Variants in EMB observed in about 807,000 individuals in gnomAD.
EMB encodes embigin.
EMB carries 31 observed loss-of-function variants against 41.4 expected under a neutral mutation model. The observed-to-expected ratio is 0.75, with a 90% CI of 0.56 to 1.01. The LOEUF is 1.01. Among genes scored for constraint, EMB ranks in the 50% least tolerant of loss-of-function variants. The pLI is 0.00. For synonymous variants in EMB, 137 were observed against 140.4 expected (o/e 0.98, Z 0.17); for missense variants, 379 against 388.3 (o/e 0.98, Z 0.20).
intron 4 of EMB, among the ~76,000 whole-genome samples, chr5:50,406,690 T>G (rs1369302203): frequency 6.6e-6 from 1 of 151,974 alleles, no homozygotes; most frequent in Non-Finnish European, 1.5e-5. Flanking sequence ...CAACTAAGAT[T>G]ATTTTGTTAA....
At chr5:50,428,286 A>C (rs1745655331) in intron 1 of EMB, 59 bp from the exon 2 acceptor site, 1 of 1,414,368 alleles carries the variant, frequency 7.1e-7, no homozygotes, top group African/African-American at 1.4e-5. Flanking sequence ...ACTATCTAAA[A>C]ACTACTTTGA....
chr5:50,396,445 A>G lies in EMB; in HGVS notation c.*2828T>C, dbSNP rs1218506726. ...TTATAACACAGAGTAATAAACACAA[A>G]TAAATGTGGAGTTATTTAAGCATGT... is the stretch of plus-strand genomic sequence containing the variant. On this transcript the variant is annotated 3_prime_UTR_variant, in exon 9 of 9. Coordinates refer to ENST00000303221, the MANE Select transcript of EMB (RefSeq NM_198449.3). 1.3e-5 allele frequency: 2 copies of G among 152,148 alleles called. No homozygotes were observed. Among genetic ancestry groups the G allele is most frequent in the African/African-American group, 4.8e-5 (2 of 41,430 alleles). 9.4% of individuals were successfully genotyped at this position (152,148 alleles called of 1,614,324 possible). A position where few individuals can be genotyped will look rare whatever the true frequency, so the allele number is the denominator to read the frequency against.
chr5:50,414,934 C>T (rs1745404529), intron 2 of EMB, among the ~76,000 whole-genome samples: 1 of 152,154 alleles, frequency 6.6e-6, no homozygotes, highest in Non-Finnish European at 1.5e-5. Flanking sequence ...CAATTTGGCA[C>T]TTCTTTGTTG....
At chr5:50,438,485 T>C (rs1745842610) in intron 1 of EMB, among the ~76,000 whole-genome samples, 2 of 152,230 alleles carry the variant, frequency 1.3e-5, no homozygotes. Context: ...TTTTCTTTTT[T>C]CAGCTGGAAC....
At chr5:50,409,844 A>T (rs1158080715) in intron 4 of EMB, among the ~76,000 whole-genome samples, 16 of 152,132 alleles carry the variant, frequency 1.1e-4, no homozygotes, top group Non-Finnish European at 5.9e-5. Context: ...ATAATCAAAG[A>T]ATGATACTAG....
chr5:50,414,150 GCTCTT>G (rs1485485951), intron 2 of EMB, among the ~76,000 whole-genome samples: 1 of 152,124 alleles, frequency 6.6e-6, no homozygotes, highest in Admixed American at 6.6e-5. Flanking sequence ...AATTTCTCAA[GCTCTT>G]CTCATTCTCA....
intron 2 of EMB, among the ~76,000 whole-genome samples, chr5:50,422,460 C>A (rs1025300860): frequency 6.6e-6 from 1 of 152,098 alleles, no homozygotes; most frequent in Non-Finnish European, 1.5e-5. Flanking sequence ...AGTAGAGAAA[C>A]AGAACAGAGT....
chr5:50,411,196 C>A lies in EMB; in HGVS notation c.383+1G>T, dbSNP rs370333900. ...AGGTAGGTTAAAATTTGTATACTCA[C>A]CTGTATTGGGTATACAAGGTGCTTC... On this transcript the variant is annotated splice_donor_variant, in intron 3 of 8. Coordinates refer to ENST00000303221, the MANE Select transcript of EMB (RefSeq NM_198449.3). LOFTEE classifies it high-confidence loss of function. 4 of 1,602,980 alleles carry A rather than the reference C, an allele frequency of 2.5e-6. No homozygotes were observed. The highest frequency in any genetic ancestry group is 3.4e-6 in the Non-Finnish European group (4 of 1,174,312).
chr5:50,432,116 A>G (rs1358253396), intron 1 of EMB, among the ~76,000 whole-genome samples: 5 of 152,216 alleles, frequency 3.3e-5, no homozygotes, highest in African/African-American at 1.2e-4. Flanking sequence ...AAAATAAGTA[A>G]CACTAGAAAA....
upstream of EMB, chr5:50,441,331 G>C (rs1313816136): frequency 2.6e-6 from 1 of 390,758 alleles, no homozygotes; most frequent in East Asian, 3.7e-5. Context: ...ACTCCCCCGA[G>C]ACGCTCTTAC....
chr5:50,429,816 A>T (rs1745683003), intron 1 of EMB, among the ~76,000 whole-genome samples: 2 of 152,084 alleles, frequency 1.3e-5, no homozygotes, highest in South Asian at 4.1e-4. Context: ...CTCCAGTCAC[A>T]TCTAGTATTC....
At position 50,441,052 on chromosome 5, in the gene EMB, C is replaced by T; in HGVS notation, c.100G>A (p.Gly34Ser). 2.0e-6 allele frequency: 3 copies of T among 1,509,156 alleles called. No homozygotes were observed. The highest frequency in any genetic ancestry group is 2.7e-6 in the Non-Finnish European group (3 of 1,129,230). 93.5% of individuals were successfully genotyped at this position (1,509,156 alleles called of 1,614,324 possible). ...LAAARPSSADGSAPDSPFTSP... is the reference protein window; with the variant it reads ...LAAARPSSADSSAPDSPFTSP... The stretch of plus-strand genomic sequence containing the variant: ...GTACCCATCACACCTGGGGCACTGC[C>T]GTCCGCCGAGCTTGGGCGCGCGGCA... The change falls in exon 1 of 9, where the codon GGC (glycine) becomes AGC (serine). Residue 34 changes from glycine to serine, a missense_variant. Coordinates refer to ENST00000303221, the MANE Select transcript of EMB (RefSeq NM_198449.3).
At chr5:50,406,236 A>G (rs190891244) in intron 4 of EMB, among the ~76,000 whole-genome samples, 2 of 151,998 alleles carry the variant, frequency 1.3e-5, no homozygotes, top group East Asian at 3.9e-4. Flanking sequence ...AACCTCAGGT[A>G]GCATTTGAGT....
At chr5:50,402,203 C>T in intron 7 of EMB, 83 bp downstream of exon 7, 2 of 1,446,350 alleles carry the variant, frequency 1.4e-6, no homozygotes, top group Non-Finnish European at 9.7e-7. Flanking sequence ...CTTTTCTCCC[C>T]CTAACTGCAA....
intron 1 of EMB, among the ~76,000 whole-genome samples, chr5:50,434,546 C>T (rs190760861): frequency 2.0e-5 from 3 of 152,282 alleles, no homozygotes; most frequent in South Asian, 2.1e-4. Context: ...TTAGCTATCT[C>T]ATTGCTTTTG....
intron 3 of EMB, 33 bp downstream of exon 3, chr5:50,411,164 G>C (rs768182316): frequency 6.5e-7 from 1 of 1,538,434 alleles, no homozygotes; most frequent in South Asian, 1.3e-5. Context: ...GCTACTTTTG[G>C]TGAGCAAGGT....
intron 2 of EMB, among the ~76,000 whole-genome samples, chr5:50,417,944 G>C (rs1410893682): frequency 6.6e-6 from 1 of 152,162 alleles, no homozygotes; most frequent in African/African-American, 2.4e-5. Context: ...GCTCCTATCA[G>C]TCACTGTTTT....
intron 2 of EMB, among the ~76,000 whole-genome samples, chr5:50,419,532 T>TACACACACAC (rs1442610577): frequency 1.4e-5 from 2 of 139,168 alleles, no homozygotes; most frequent in Admixed American, 1.4e-4. Context: ...GAACCCCCAC[T>TACACACACAC]ACATACACAC....
At chr5:50,415,962 C>T (rs1158644648) in intron 2 of EMB, among the ~76,000 whole-genome samples, 1 of 152,130 alleles carries the variant, frequency 6.6e-6, no homozygotes, top group African/African-American at 2.4e-5. Context: ...TTTTACATAA[C>T]TTAAAGTGCA....
Sources: allele counts gnomAD v4.1 joint callset (sites outside exome capture counted in the v4.1 genomes callset), GRCh38; gene constraint gnomAD v4.1.1; transcripts MANE v1.5; gene names NCBI Gene and HGNC (gene_info 2026-07-23, HGNC 2026-07-21).